Variants in EDEM3 observed in about 807,000 individuals in gnomAD.
EDEM3 encodes the protein ER degradation-enhancing alpha-mannosidase-like protein 3.
In EDEM3, 60 loss-of-function variants were observed where a neutral mutation model predicts 110.2. The ratio of observed to expected loss-of-function variants is 0.54; its 90% confidence interval spans 0.44 to 0.67. EDEM3 has a LOEUF of 0.67. Ranked by LOEUF, EDEM3 falls within the 30% of genes least tolerant of loss-of-function variation. EDEM3 has a pLI of 0.00. For missense variants in EDEM3, 996 were observed against 1,121.0 expected (o/e 0.89, Z 1.59); for synonymous variants, 352 against 382.9 (o/e 0.92, Z 0.94).
Position 184,721,356 on chromosome 1 carries a change from T to C in EDEM3, c.884A>G (p.Tyr295Cys). The change falls in exon 9 of 20, where the codon TAT becomes TGT. Residue 295 changes from tyrosine to cysteine, a missense_variant. Physicochemically the swap from Tyr to Cys is radical, Grantham distance 194. Transcript: ENST00000318130. ...ATAGGCTTTCAACAGATATTCATAA[T>C]ATGAATCAATCCCTGCTCCAACTCC... is the stretch of plus-strand genomic sequence containing the variant. Reference protein sequence around the residue: ...DSGVGAGIDSYYEYLLKAYVL... With the variant: ...DSGVGAGIDSCYEYLLKAYVL... 6.2e-7 allele frequency: 1 copy of C among 1,607,746 alleles called. No homozygotes were observed. The highest frequency in any genetic ancestry group is 2.3e-5 in the East Asian group (1 of 44,414).
intron 6 of EDEM3, 112 bp downstream of exon 6, chr1:184,732,725 A>ATT: frequency 2.8e-6 from 3 of 1,062,040 alleles, no homozygotes; most frequent in Admixed American, 3.0e-5. Flanking sequence ...GCTTTGAAGC[A>ATT]TTTTTTTTTC....
At chr1:184,719,911 A>G (rs1031065003) in intron 9 of EDEM3, among the ~76,000 whole-genome samples, 1 of 152,206 alleles carries the variant, frequency 6.6e-6, no homozygotes, top group African/African-American at 2.4e-5. Context: ...CTTGTAATAT[A>G]GCTATCAGCT....
intron 19 of EDEM3, chr1:184,701,524 T>C: frequency 1.6e-6 from 2 of 1,282,374 alleles, no homozygotes; most frequent in South Asian, 1.3e-5. Flanking sequence ...CTTGGAATCA[T>C]TTTACCTTTT....
intron 2 of EDEM3, among the ~76,000 whole-genome samples, chr1:184,739,596 T>A (rs1194129214): frequency 6.6e-6 from 1 of 152,020 alleles, no homozygotes; most frequent in Non-Finnish European, 1.5e-5. Context: ...CTTTTATGAA[T>A]TCAGTTTCAT....
intron 15 of EDEM3, among the ~76,000 whole-genome samples, chr1:184,711,260 G>C (rs1333611578): frequency 6.6e-6 from 1 of 151,944 alleles, no homozygotes; most frequent in African/African-American, 2.4e-5. Context: ...CACCATGCCT[G>C]GCTAATTTTT....
chr1:184,712,472 C>A lies in EDEM3; in HGVS notation c.1497G>T (p.Trp499Cys). 6.2e-7 allele frequency: 1 copy of A among 1,602,706 alleles called. No homozygotes were observed. Among genetic ancestry groups the A allele is most frequent in the Non-Finnish European group, 8.5e-7 (1 of 1,176,606 alleles). Residue 499 changes from tryptophan to cysteine, a missense_variant, in exon 14 of 20, where the codon TGG becomes TGT. Trp to Cys is a radical substitution (Grantham distance 215). Transcript: ENST00000318130. Reference protein sequence around the residue: ...FTTEAHLLPLWLSTTNQSISK... With the variant: ...FTTEAHLLPLCLSTTNQSISK... ...AGATGCTTTGATTTGTAGTAGAGAG[C>A]CAAAGAGGTAACAGATGAGCTTCTG...
Position 184,704,548 on chromosome 1 carries a change from G to A in EDEM3, c.2204-1552C>T, listed in dbSNP as rs1300809727. 2.0e-5 allele frequency among the ~76,000 whole-genome samples: 3 copies of A among 148,018 alleles called. No individual in the cohort carries two copies. The East Asian group carries it at 6.0e-4, about 30-fold the overall frequency. ...TGCCTGTAATCCCAGCTACTCAGGA[G>A]GCTGAGGCATAAGACCTACTTAAAC... On this transcript the variant is annotated intron_variant, in intron 18 of 19. Transcript: ENST00000318130.
intron 18 of EDEM3, among the ~76,000 whole-genome samples, chr1:184,705,481 T>C (rs1036364858): frequency 6.6e-6 from 1 of 152,230 alleles, no homozygotes; most frequent in Non-Finnish European, 1.5e-5. Flanking sequence ...TTGGCATGAC[T>C]GTGTCCCAAT....
In EDEM3 at chr1:184,719,175, T is replaced by C. The variant is rs756252783; in HGVS notation, c.1148A>G (p.Asn383Ser). The change falls in exon 11 of 20, where the codon AAT (asparagine) becomes AGT (serine). Residue 383 changes from asparagine (N) to serine (S), a missense_variant. Coordinates refer to ENST00000318130, the MANE Select transcript of EDEM3 (RefSeq NM_025191.4). ...TTATTTGCTTACCTCTGGTAGAAAATTGTGTTTTTTAATCACCTGATATAA... is the reference window on the plus strand; with the variant it reads ...TTATTTGCTTACCTCTGGTAGAAAACTGTGTTTTTTAATCACCTGATATAA... Reference protein sequence around the residue: ...EMLYQVIKKHNFLPEAFTTDF... With the variant: ...EMLYQVIKKHSFLPEAFTTDF... 168 of 1,566,780 alleles carry C rather than the reference T, an allele frequency of 1.1e-4. No individual in the cohort carries two copies. The highest frequency in any genetic ancestry group is 2.2e-4 in the African/African-American group (16 of 72,704).
intron 19 of EDEM3, among the ~76,000 whole-genome samples, chr1:184,695,304 G>A (rs1649271829): frequency 6.6e-6 from 1 of 151,998 alleles, no homozygotes; most frequent in South Asian, 2.1e-4. Context: ...AAAATGAGGA[G>A]CAATACCAAA....
At chr1:184,738,512 T>C (rs983896914) in intron 2 of EDEM3, among the ~76,000 whole-genome samples, 1 of 152,198 alleles carries the variant, frequency 6.6e-6, no homozygotes, top group African/African-American at 2.4e-5. Flanking sequence ...CTTTTGAACA[T>C]ATGCCAGTAT....
At chr1:184,724,137 A>C (rs1651063786) in intron 7 of EDEM3, among the ~76,000 whole-genome samples, 1 of 151,920 alleles carries the variant, frequency 6.6e-6, no homozygotes, top group Admixed American at 6.6e-5. Context: ...TTTTTTCTTC[A>C]TTTCATCTAC....
At chr1:184,695,390 T>C (rs1649278466) in intron 19 of EDEM3, among the ~76,000 whole-genome samples, 1 of 152,016 alleles carries the variant, frequency 6.6e-6, no homozygotes, top group Non-Finnish European at 1.5e-5. Flanking sequence ...GGAAAATAAA[T>C]AGAAAACTCA....
intron 18 of EDEM3, among the ~76,000 whole-genome samples, chr1:184,704,449 G>C (rs746449790): frequency 1.9e-4 from 29 of 151,534 alleles, no homozygotes; most frequent in Admixed American, 6.6e-4. Context: ...CCATGAGTTT[G>C]AGACCAACTT....
intron 19 of EDEM3, chr1:184,701,496 C>A: frequency 7.8e-7 from 1 of 1,278,948 alleles, no homozygotes; most frequent in Non-Finnish European, 1.0e-6. Flanking sequence ...AAGATACTTA[C>A]TACTATTAAT....
chr1:184,746,643 C>T (rs1652444899), intron 2 of EDEM3, among the ~76,000 whole-genome samples: 1 of 152,140 alleles, frequency 6.6e-6, no homozygotes, highest in African/African-American at 2.4e-5. Flanking sequence ...CCCATTGTAA[C>T]CCAGATGAGA....
At chr1:184,732,393 A>G (rs1276749303) in intron 6 of EDEM3, among the ~76,000 whole-genome samples, 2 of 152,188 alleles carry the variant, frequency 1.3e-5, no homozygotes, top group African/African-American at 4.8e-5. Flanking sequence ...AATAAGATAC[A>G]GTATTTAATA....
At chr1:184,696,898 G>A (rs1239789525) in intron 19 of EDEM3, among the ~76,000 whole-genome samples, 3 of 151,864 alleles carry the variant, frequency 2.0e-5, no homozygotes, top group Non-Finnish European at 4.4e-5. Context: ...TTACATATAC[G>A]ATATTATTTT....
intron 6 of EDEM3, among the ~76,000 whole-genome samples, chr1:184,729,078 T>C (rs904265555): frequency 3.3e-5 from 5 of 152,122 alleles, no homozygotes; most frequent in African/African-American, 1.2e-4. Context: ...AGGACTCAAA[T>C]GACTGGGTTT....
Sources: allele counts gnomAD v4.1 joint callset (sites outside exome capture counted in the v4.1 genomes callset), GRCh38; gene constraint gnomAD v4.1.1; transcripts MANE v1.5; gene names NCBI Gene and HGNC (gene_info 2026-07-23, HGNC 2026-07-21).